The following KCNQ3 variants were observed in gnomAD, a reference collection of about 807,000 sequenced individuals.
The protein encoded by KCNQ3 is potassium voltage-gated channel subfamily Q member 3, also known as potassium voltage-gated channel subfamily KQT member 3.
Under a neutral mutation model 92.5 loss-of-function variants are expected in KCNQ3, and 30 were observed. That is an observed-to-expected ratio of 0.32 (90% CI 0.24 to 0.44). The LOEUF is 0.44. Ranked by LOEUF, KCNQ3 falls within the 20% of genes least tolerant of loss-of-function variation. KCNQ3 has a pLI of 1.00. For missense variants in KCNQ3, 913 were observed against 1,140.3 expected (o/e 0.80, Z 2.87); for synonymous variants, 450 against 468.8 (o/e 0.96, Z 0.52).
rs1046673616 is a variant in KCNQ3, at chr8:132,122,770, G to C, written c.*6492C>G. ...CACAGGGATTCACAAGGACTGCTGG[G>C]GAGCCCTGCCAAATTCTGGCCGATT... On this transcript the variant is annotated 3_prime_UTR_variant, in exon 15 of 15. Coordinates refer to ENST00000388996, the MANE Select transcript of KCNQ3 (RefSeq NM_004519.4). 6.6e-6 allele frequency: 1 copy of C among 152,140 alleles called. No homozygotes were observed. Among genetic ancestry groups the C allele is most frequent in the African/African-American group, 2.4e-5 (1 of 41,428 alleles). The allele number at this position is 152,140 out of a possible 1,614,324, so 9.4% of individuals were successfully genotyped here. A position where few individuals can be genotyped will look rare whatever the true frequency, so the allele number is the denominator to read the frequency against.
chr8:132,435,256 G>A (rs941157161), intron 1 of KCNQ3, among the ~76,000 whole-genome samples: 13 of 152,152 alleles, frequency 8.5e-5, no homozygotes, highest in Non-Finnish European at 1.8e-4. Flanking sequence ...CACATTTACA[G>A]ACACAATAGA....
chr8:132,352,707 G>A (rs557821700), intron 1 of KCNQ3, among the ~76,000 whole-genome samples: 6 of 152,146 alleles, frequency 3.9e-5, no homozygotes, highest in African/African-American at 1.4e-4. Flanking sequence ...TGGAGATTAC[G>A]CTATTTTAAC....
intron 1 of KCNQ3, among the ~76,000 whole-genome samples, chr8:132,304,195 G>A (rs1449153713): frequency 2.0e-5 from 3 of 152,140 alleles, no homozygotes; most frequent in African/African-American, 7.2e-5. Flanking sequence ...CACCTATTGG[G>A]TACGATGTAC....
chr8:132,219,181 G>A (rs903223139), intron 1 of KCNQ3, among the ~76,000 whole-genome samples: 6 of 152,136 alleles, frequency 3.9e-5, no homozygotes, highest in Non-Finnish European at 8.8e-5. Flanking sequence ...GAACTCCAGT[G>A]TGCACTGGAA....
chr8:132,243,876 C>A (rs1286563535), intron 1 of KCNQ3, among the ~76,000 whole-genome samples: 1 of 152,186 alleles, frequency 6.6e-6, no homozygotes, highest in Admixed American at 6.5e-5. Context: ...AATATATTGA[C>A]TTCATGCTCT....
intron 1 of KCNQ3, among the ~76,000 whole-genome samples, chr8:132,363,373 T>C (rs946961095): frequency 7.2e-5 from 11 of 152,134 alleles, no homozygotes; most frequent in African/African-American, 2.2e-4. Context: ...TATCTGGTCA[T>C]TGAACACTTA....
At chr8:132,153,434 G>A (rs1825697603) in intron 9 of KCNQ3, among the ~76,000 whole-genome samples, 1 of 152,134 alleles carries the variant, frequency 6.6e-6, no homozygotes, top group African/African-American at 2.4e-5. Flanking sequence ...AGGAGTCCAT[G>A]CAACCCCCCA....
chr8:132,322,103 G>A (rs1484468059), intron 1 of KCNQ3, among the ~76,000 whole-genome samples: 1 of 152,170 alleles, frequency 6.6e-6, no homozygotes, highest in East Asian at 1.9e-4. Flanking sequence ...AGACGGTTAA[G>A]TCATATGACG....
intron 1 of KCNQ3, among the ~76,000 whole-genome samples, chr8:132,422,803 A>G (rs1308399323): frequency 6.6e-6 from 1 of 152,202 alleles, no homozygotes. Context: ...GAGAGAGGAA[A>G]TGATGGATCC....
At chr8:132,281,666 C>T (rs1179688096) in intron 1 of KCNQ3, among the ~76,000 whole-genome samples, 1 of 152,060 alleles carries the variant, frequency 6.6e-6, no homozygotes, top group East Asian at 1.9e-4. Context: ...CTAGCCCCTC[C>T]ACATTCGCTC....
chr8:132,162,260 G>A (rs909300581), intron 9 of KCNQ3, among the ~76,000 whole-genome samples: 1 of 152,120 alleles, frequency 6.6e-6, no homozygotes, highest in Non-Finnish European at 1.5e-5. Context: ...TTTTCTTCAT[G>A]TCTGTATAGA....
chr8:132,335,976 C>T (rs1194020792), intron 1 of KCNQ3, among the ~76,000 whole-genome samples: 3 of 152,162 alleles, frequency 2.0e-5, no homozygotes, highest in Admixed American at 6.5e-5. Flanking sequence ...CTCTGCAGCT[C>T]CAAGAGACTA....
At chr8:132,286,680 A>G (rs1048327907) in intron 1 of KCNQ3, among the ~76,000 whole-genome samples, 2 of 152,172 alleles carry the variant, frequency 1.3e-5, no homozygotes, top group Non-Finnish European at 1.5e-5. Flanking sequence ...TTGGGGGTCC[A>G]AGGGAGGACT....
At chr8:132,337,744 A>G (rs1323898172) in intron 1 of KCNQ3, among the ~76,000 whole-genome samples, 1 of 152,140 alleles carries the variant, frequency 6.6e-6, no homozygotes, top group Admixed American at 6.5e-5. Context: ...TTTGCCCTCA[A>G]TGTGAGGATA....
At position 132,216,962 on chromosome 8, in the gene KCNQ3, A is replaced by G. The variant is rs182789552; in HGVS notation, c.387-30781T>C. Among the ~76,000 whole-genome samples the G allele has an allele frequency of 1.0e-3, 155 of 152,354 alleles. 1 individual carries two copies. Among genetic ancestry groups the G allele is most frequent in the Admixed American group, 3.1e-3 (47 of 15,304 alleles). On this transcript the variant is annotated intron_variant, in intron 1 of 14. Coordinates refer to ENST00000388996, the MANE Select transcript of KCNQ3 (RefSeq NM_004519.4). Reference sequence around the variant, plus strand: ...AAACTTATTAAAGAACAAATTATATATATTTACAATAAAATAAATTATGTT... The same window carrying G: ...AAACTTATTAAAGAACAAATTATATGTATTTACAATAAAATAAATTATGTT...
chr8:132,462,744 C>T (rs1822090575), intron 1 of KCNQ3, among the ~76,000 whole-genome samples: 1 of 152,156 alleles, frequency 6.6e-6, no homozygotes, highest in African/African-American at 2.4e-5. Context: ...ACACATCTGG[C>T]AGTGTTATCA....
chr8:132,204,188 A>G (rs529368622), intron 1 of KCNQ3, among the ~76,000 whole-genome samples: 21 of 152,370 alleles, frequency 1.4e-4, no homozygotes, highest in African/African-American at 4.8e-4. Flanking sequence ...CCTTGAGGAC[A>G]AACCCTTTTA....
chr8:132,472,283 CAATGTATCGAAGAAATA>C (rs1228551893), intron 1 of KCNQ3, among the ~76,000 whole-genome samples: 1 of 152,152 alleles, frequency 6.6e-6, no homozygotes, highest in East Asian at 1.9e-4. Flanking sequence ...GAAAAGAAAT[CAATGTATCGAAGAAATA>C]CCTGCACTCT....
chr8:132,428,304 T>TA (rs1231550047), intron 1 of KCNQ3, among the ~76,000 whole-genome samples: 13 of 152,332 alleles, frequency 8.5e-5, no homozygotes, highest in African/African-American at 3.1e-4. Flanking sequence ...CTTTCTGCCT[T>TA]AAAGAAGTCT....
Sources: gnomAD v4.1 joint callset for allele counts (sites outside exome capture counted in the v4.1 genomes callset) on GRCh38, gnomAD v4.1.1 for gene constraint, MANE v1.5 for transcripts, NCBI Gene and HGNC (gene_info 2026-07-23, HGNC 2026-07-21) for gene names.